Variants in CADM2 observed in about 807,000 individuals in gnomAD.
The protein encoded by CADM2 is cell adhesion molecule 2, also known as immunoglobulin superfamily member 4D.
In CADM2, 12 loss-of-function variants were observed where a neutral mutation model predicts 49.8. That is an observed-to-expected ratio of 0.24 (90% CI 0.15 to 0.39). CADM2 has a LOEUF of 0.39. Among genes scored for constraint, CADM2 ranks in the 10% least tolerant of loss-of-function variants. CADM2 has a pLI of 1.00. For missense variants in CADM2, 378 were observed against 492.3 expected (o/e 0.77, Z 2.20); for synonymous variants, 214 against 175.4 (o/e 1.22, Z -1.74).
At chr3:85,681,438 T>C (rs953427853) in intron 1 of CADM2, among the ~76,000 whole-genome samples, 1 of 152,102 alleles carries the variant, frequency 6.6e-6, no homozygotes, top group Non-Finnish European at 1.5e-5. Context: ...TTTCCATCTA[T>C]AACAAAATTT....
intron 1 of CADM2, among the ~76,000 whole-genome samples, chr3:85,298,203 T>C (rs908919143): frequency 6.6e-6 from 1 of 152,072 alleles, no homozygotes; most frequent in Non-Finnish European, 1.5e-5. Flanking sequence ...TGCCACTATG[T>C]TGATGCTACT....
intron 1 of CADM2, among the ~76,000 whole-genome samples, chr3:85,256,926 C>T (rs1350873760): frequency 6.6e-6 from 1 of 152,088 alleles, no homozygotes; most frequent in Non-Finnish European, 1.5e-5. Flanking sequence ...CAGAAAATTA[C>T]TTTCTGAAAT....
At chr3:85,655,264 C>T (rs776169369) in intron 1 of CADM2, among the ~76,000 whole-genome samples, 4 of 151,760 alleles carry the variant, frequency 2.6e-5, no homozygotes, top group Non-Finnish European at 4.4e-5. Flanking sequence ...AAGTGATTCT[C>T]CTGCCTCAGC....
chr3:85,874,422 G>A (rs1185384890), intron 3 of CADM2, among the ~76,000 whole-genome samples: 1 of 152,114 alleles, frequency 6.6e-6, no homozygotes, highest in East Asian at 1.9e-4. Context: ...ATCTACCTTT[G>A]TGTATGCATT....
At chr3:85,491,606 GTT>G (rs2039675198) in intron 1 of CADM2, among the ~76,000 whole-genome samples, 1 of 152,106 alleles carries the variant, frequency 6.6e-6, no homozygotes, top group African/African-American at 2.4e-5. Context: ...TGCTTCATCT[GTT>G]CCCGGAAATG....
chr3:85,945,633 T>C (rs1159338474), intron 7 of CADM2, among the ~76,000 whole-genome samples: 2 of 151,922 alleles, frequency 1.3e-5, no homozygotes, highest in East Asian at 3.9e-4. Context: ...CATATGAAAA[T>C]CAGTAAATGT....
chr3:85,573,658 A>T (rs1233809063), intron 1 of CADM2, among the ~76,000 whole-genome samples: 1 of 152,156 alleles, frequency 6.6e-6, no homozygotes, highest in Non-Finnish European at 1.5e-5. Flanking sequence ...TTCTTGTACA[A>T]ATTATTGTCC....
intron 2 of CADM2, among the ~76,000 whole-genome samples, chr3:85,782,908 T>G (rs954530631): frequency 3.3e-5 from 5 of 152,086 alleles, no homozygotes; most frequent in African/African-American, 9.7e-5. Flanking sequence ...TTTAATTTAA[T>G]CATATTGCAT....
intron 8 of CADM2, among the ~76,000 whole-genome samples, chr3:85,990,439 T>G (rs1313698550): frequency 1.3e-5 from 2 of 152,188 alleles, no homozygotes; most frequent in Non-Finnish European, 2.9e-5. Context: ...ACAATGGGAT[T>G]ATCTGGACAT....
At chr3:85,450,114 C>G (rs753275565) in intron 1 of CADM2, among the ~76,000 whole-genome samples, 28 of 151,966 alleles carry the variant, frequency 1.8e-4, no homozygotes, top group Admixed American at 3.3e-4. Context: ...TCGATGAAAC[C>G]GAAACATCAA....
intron 1 of CADM2, among the ~76,000 whole-genome samples, chr3:85,024,733 A>G (rs1010828014): frequency 2.6e-5 from 4 of 151,978 alleles, no homozygotes; most frequent in Admixed American, 1.3e-4. Flanking sequence ...TTATCCATTA[A>G]AAAACTAAAT....
At chr3:85,610,066 G>A (rs549381678) in intron 1 of CADM2, among the ~76,000 whole-genome samples, 74 of 152,024 alleles carry the variant, frequency 4.9e-4, no homozygotes, top group South Asian at 1.2e-3. Flanking sequence ...AAAATGATAT[G>A]TATATTTTAT....
chr3:85,656,489 A>G (rs2065201053), intron 1 of CADM2, among the ~76,000 whole-genome samples: 1 of 151,918 alleles, frequency 6.6e-6, no homozygotes, highest in Non-Finnish European at 1.5e-5. Flanking sequence ...GGTGTCGTGC[A>G]CCTGTAATCC....
intron 1 of CADM2, among the ~76,000 whole-genome samples, chr3:85,667,554 A>G (rs998019452): frequency 2.0e-5 from 3 of 152,068 alleles, no homozygotes; most frequent in African/African-American, 7.2e-5. Context: ...TGATTGGAGA[A>G]CACAATTTGC....
intron 4 of CADM2, among the ~76,000 whole-genome samples, chr3:85,885,824 C>G (rs1231821333): frequency 7.4e-6 from 1 of 135,534 alleles, no homozygotes; most frequent in African/African-American, 2.7e-5. Flanking sequence ...TCCACTCCAT[C>G]CTGGGCGACA....
intron 1 of CADM2, among the ~76,000 whole-genome samples, chr3:85,556,261 G>A (rs955441529): frequency 6.6e-6 from 1 of 152,000 alleles, no homozygotes; most frequent in Non-Finnish European, 1.5e-5. Flanking sequence ...ATTCGTATGG[G>A]GGAGGTTGGT....
chr3:85,449,878 T>A (rs2037676116), intron 1 of CADM2, among the ~76,000 whole-genome samples: 2 of 152,166 alleles, frequency 1.3e-5, no homozygotes, highest in South Asian at 4.1e-4. Flanking sequence ...TACACCTTTT[T>A]TTTAACCTAG....
rs79950056 is a variant in CADM2, at chr3:85,166,794, A to G, written c.61+207126A>G. The stretch of plus-strand genomic sequence containing the variant: ...CAATAGGGAGGTAAGAATACTGGAG[A>G]ATGTCATTTTAAATACTCGGATGAT... On this transcript the variant is annotated intron_variant, in intron 1 of 9. Coordinates refer to ENST00000383699, the MANE Select transcript of CADM2 (RefSeq NM_001167675.2). Among the ~76,000 whole-genome samples the G allele has an allele frequency of 6.9e-3, 1,049 of 152,034 alleles. 9 individuals are homozygous for G. The highest frequency in any genetic ancestry group is 0.023 in the African/African-American group (960 of 41,552).
intron 1 of CADM2, among the ~76,000 whole-genome samples, chr3:85,258,156 T>C (rs1372245437): frequency 2.0e-5 from 3 of 152,050 alleles, no homozygotes; most frequent in African/African-American, 7.2e-5. Flanking sequence ...GTGGCCAAGA[T>C]TATATGCAGC....
Sources: allele counts gnomAD v4.1 joint callset (sites outside exome capture counted in the v4.1 genomes callset), GRCh38; gene constraint gnomAD v4.1.1; transcripts MANE v1.5; gene names NCBI Gene and HGNC (gene_info 2026-07-23, HGNC 2026-07-21).